Variants in RECQL5 observed in about 807,000 individuals in gnomAD.
RECQL5 encodes the protein ATP-dependent DNA helicase Q5.
Under a neutral mutation model 103.4 loss-of-function variants are expected in RECQL5, and 88 were observed. The ratio of observed to expected loss-of-function variants is 0.85; its 90% CI spans 0.72 to 1.02. The LOEUF (loss-of-function observed/expected upper bound fraction) is 1.02, where lower values mean the gene tolerates loss of function less well. Ranked by LOEUF, RECQL5 falls within the 50% of genes least tolerant of loss-of-function variation. The probability of loss-of-function intolerance (pLI) is 0.00; values close to 1 mark genes in which losing one functional copy is unlikely to be tolerated. For missense variants in RECQL5, 1,232 were observed against 1,284.3 expected (o/e 0.96, Z 0.62); for synonymous variants, 552 against 507.9 (o/e 1.09, Z -1.17).
rs199862529 is a variant in RECQL5 at position 75,661,727 on chromosome 17, G to A, written c.772-19C>T. ...CAGATAACTGAATGGGGAGATGCAG[G>A]AAGAAAATAAGCATAGCAAGAACAG... On this transcript the variant is annotated intron_variant, in intron 4 of 19. Coordinates refer to ENST00000317905, the MANE Select transcript of RECQL5 (RefSeq NM_004259.7). The A allele has an allele frequency of 3.2e-6, 5 of 1,584,400 alleles. No individual in the cohort carries two copies. In the Admixed American group the frequency reaches 5.0e-5, roughly 16 times the overall value.
chr17:75,640,880 C>T lies in RECQL5; in HGVS notation c.1230-9212G>A. The T allele has an allele frequency of 1.3e-6, 2 of 1,546,002 alleles. 1 individual carries two copies. Among genetic ancestry groups the T allele is most frequent in the South Asian group, 2.4e-5 (2 of 84,058 alleles). On this transcript the variant is annotated intron_variant, in intron 8 of 19. Transcript: ENST00000317905. This position sits in a 1 kb window ranked among gnomAD's most constrained non-coding sequence, Gnocchi z 4.6. ...GCGGAGAGGCAGGAAGGTCCAGGTG[C>T]AGCCGACACCACCATGACGGACGGG...
At chr17:75,647,277 G>A (rs1293476501) in intron 8 of RECQL5, 6 of 1,100,544 alleles carry the variant, frequency 5.5e-6, no homozygotes, top group Admixed American at 2.5e-5. Flanking sequence ...CACAGAGGCT[G>A]CTACAGAGGC....
Position 75,627,606 on chromosome 17 carries a change from G to A in RECQL5, c.2875+17C>T. Reference sequence around the variant, plus strand: ...CCCTCCCAAGTGCCTCCTGGCCCTGGCAATGCCAGCGCTCACCGCTCCTTC... The same window carrying A: ...CCCTCCCAAGTGCCTCCTGGCCCTGACAATGCCAGCGCTCACCGCTCCTTC... On this transcript the variant is annotated intron_variant, in intron 19 of 19. Transcript: ENST00000317905. The A allele has an allele frequency of 1.9e-6, 3 of 1,613,526 alleles. No individual in the cohort carries two copies. The highest frequency in any genetic ancestry group is 2.5e-6 in the Non-Finnish European group (3 of 1,179,728).
chr17:75,631,355 G>T, intron 9 of RECQL5, 95 bp downstream of exon 9: 1 of 1,525,474 alleles, frequency 6.6e-7, no homozygotes, highest in Non-Finnish European at 9.1e-7. Context: ...CTCAAGGGGG[G>T]ATTGCGGCAT....
chr17:75,661,856 T>A, intron 4 of RECQL5, 148 bp from the exon 5 acceptor site: 1 of 609,802 alleles, frequency 1.6e-6, no homozygotes, highest in Non-Finnish European at 2.9e-6. Flanking sequence ...TGAGGCTCTG[T>A]CACTTTATAA....
Position 75,631,516 on chromosome 17 carries a change from G to A in RECQL5, c.1382C>T (p.Ser461Phe). 2 of 1,613,308 alleles carry A rather than the reference G, an allele frequency of 1.2e-6. No individual in the cohort carries two copies. The highest frequency in any genetic ancestry group is 1.7e-6 in the Non-Finnish European group (2 of 1,179,996). Residue 461 changes from serine to phenylalanine, a missense_variant, in exon 9 of 20, where the codon TCC (serine) becomes TTC (phenylalanine). By Grantham distance (155) the Ser-to-Phe change is radical. Coordinates refer to ENST00000317905, the MANE Select transcript of RECQL5 (RefSeq NM_004259.7). The stretch of plus-strand genomic sequence containing the variant: ...CTCGGGGTCAAAGCCGTTCCCCTGG[G>A]AGGGCCCGATGCAGGTCTTGCTCCA... ...SSWSKTCIGP[S>F]QGNGFDPELY... is the part of the protein sequence containing the mutation.
chr17:75,631,894 A>G (rs546829134), intron 8 of RECQL5, among the ~76,000 whole-genome samples: 1 of 152,350 alleles, frequency 6.6e-6, no homozygotes, highest in African/African-American at 2.4e-5. Context: ...CACGTAACAC[A>G]TGGGGGTCTC....
In RECQL5 at chr17:75,656,858, C is replaced by CCCCAACCT. The variant is rs1157722936; in HGVS notation, c.1149+1432_1149+1439dup. Among the ~76,000 whole-genome samples the CCCCAACCT allele has an allele frequency of 4.0e-5, 6 of 151,760 alleles. No individual in the cohort carries two copies. The East Asian group carries it at 1.2e-3, about 29-fold the overall frequency. ...CTCCTGGGTTCACGCCCTTCTCCTG[C>CCCCAACCT]CCCAACCTCCCAAGTAGCTGGGACT... On this transcript the variant is annotated intron_variant, in intron 7 of 19. Coordinates refer to ENST00000317905, the MANE Select transcript of RECQL5 (RefSeq NM_004259.7).
At chr17:75,628,524 C>A in intron 17 of RECQL5, 82 bp from the exon 18 acceptor site, 1 of 1,537,898 alleles carries the variant, frequency 6.5e-7, no homozygotes, top group South Asian at 1.2e-5. Context: ...TGGGTCCCCG[C>A]ACCAGCTGCC....
rs1451093045 is a variant in RECQL5 at position 75,640,272 on chromosome 17, T to C, written c.1230-8604A>G. 6.4e-7 allele frequency: 1 copy of C among 1,551,502 alleles called. No homozygotes were observed. On this transcript the variant is annotated intron_variant, in intron 8 of 19. Transcript: ENST00000317905. The surrounding 1 kb of genome is among the most constrained non-coding windows in gnomAD (Gnocchi z 4.6). ...AGGCTGCTGCTCAAGCTGCAGAGAC[T>C]GCCCCAGGCTGAGCCCGTGGAGATC...
Position 75,629,209 on chromosome 17 carries a change from G to A in RECQL5, c.2214C>T (p.Gly738=), listed in dbSNP as rs1233868504. ...TAGCCCGGCCCTTGGCAAGGGAGCT[G>A]CCCCCAGAGGAACTTTTTGCCTTCT... ...PEKKAKSSSG[G]SSLAKGRASK... Residue 738 remains glycine, a synonymous_variant, in exon 16 of 20, where the codon GGC becomes GGT. Transcript: ENST00000317905. 1 of 1,613,296 alleles carries A rather than the reference G, an allele frequency of 6.2e-7. No individual in the cohort carries two copies. Among genetic ancestry groups the A allele is most frequent in the Non-Finnish European group, 8.5e-7 (1 of 1,179,906 alleles).
intron 3 of RECQL5, among the ~76,000 whole-genome samples, chr17:75,664,722 G>C (rs2059744309): frequency 2.0e-5 from 3 of 151,938 alleles, no homozygotes; most frequent in Non-Finnish European, 4.4e-5. Context: ...AGACCAGCCT[G>C]GCCAACATGG....
chr17:75,662,632 G>C lies in RECQL5; in HGVS notation c.618C>G (p.Ala206=), dbSNP rs777405598. Residue 206 remains alanine (A), a synonymous_variant, in exon 4 of 20, where the codon GCC becomes GCG. Transcript: ENST00000317905. ...TPQVQEDVFA[A]LHLKKPVAIF... is the part of the protein sequence containing the mutation. The stretch of plus-strand genomic sequence containing the variant: ...TGGCAACTGGTTTCTTCAGGTGCAG[G>C]GCAGCAAACACGTCCTCTTGGACCT... 2.5e-6 allele frequency: 4 copies of C among 1,614,192 alleles called. No homozygotes were observed. Among genetic ancestry groups the C allele is most frequent in the Non-Finnish European group, 3.4e-6 (4 of 1,180,048 alleles).
At chr17:75,630,002 G>A (rs987747326) in intron 14 of RECQL5, among the ~76,000 whole-genome samples, 160 bp from the exon 15 acceptor site, 1 of 139,246 alleles carries the variant, frequency 7.2e-6, no homozygotes, top group Admixed American at 7.4e-5. Context: ...ATCCTCACAG[G>A]GTTGGCTAGA....
chr17:75,640,701 A>T lies in RECQL5; in HGVS notation c.1230-9033T>A. ...CCTCCACCAAACCTGTGGGGGAAAG[A>T]CCCTGGCAGGCAGTGGGTTTCTCTG... On this transcript the variant is annotated intron_variant, in intron 8 of 19. Coordinates refer to ENST00000317905, the MANE Select transcript of RECQL5 (RefSeq NM_004259.7). The surrounding 1 kb of genome is among the most constrained non-coding windows in gnomAD (Gnocchi z 4.6). The T allele has an allele frequency of 6.6e-7, 1 of 1,504,140 alleles. No homozygotes were observed. Among genetic ancestry groups the T allele is most frequent in the Non-Finnish European group, 8.9e-7 (1 of 1,122,418 alleles). 93.2% of individuals were successfully genotyped at this position (1,504,140 alleles called of 1,614,324 possible).
rs1251550232 is a variant in RECQL5 at position 75,640,373 on chromosome 17, G to A, written c.1230-8705C>T. On this transcript the variant is annotated intron_variant, in intron 8 of 19. Coordinates refer to ENST00000317905, the MANE Select transcript of RECQL5 (RefSeq NM_004259.7). The surrounding 1 kb of genome is among the most constrained non-coding windows in gnomAD (Gnocchi z 4.6). ...ACCCCATGGCTCTCCCTGGCATCTG[G>A]GAGAGACCACACCATGGTGCCAGCC... is the stretch of plus-strand genomic sequence containing the variant. The A allele has an allele frequency of 2.0e-6, 3 of 1,496,384 alleles. No homozygotes were observed. Among genetic ancestry groups the A allele is most frequent in the Admixed American group, 2.3e-5 (1 of 43,332 alleles). The allele number at this position is 1,496,384 out of a possible 1,614,324, so 92.7% of individuals were successfully genotyped here. A position where few individuals can be genotyped will look rare whatever the true frequency, so the allele number is the denominator to read the frequency against.
Position 75,629,798 on chromosome 17 carries a change from G to T in RECQL5, c.1857C>A (p.Asp619Glu). 6.2e-7 allele frequency: 1 copy of T among 1,613,498 alleles called. No homozygotes were observed. Among genetic ancestry groups the T allele is most frequent in the East Asian group, 2.2e-5 (1 of 44,880 alleles). Residue 619 changes from aspartate (D) to glutamate (E), a missense_variant, in exon 15 of 20, where the codon GAC (aspartate) becomes GAA (glutamate). Physicochemically the swap from Asp to Glu is conservative, Grantham distance 45 (BLOSUM62 2). Transcript: ENST00000317905. ...HRASKDGQPY[D>E]MGGSAKSCSA... is the part of the protein sequence containing the mutation. ...TGCAGCTCTTGGCACTGCCTCCCAT[G>T]TCATAGGGCTGCCCATCCTTGGAGG...
rs1366258036 is a variant in RECQL5 at position 75,651,093 on chromosome 17, G to A, written c.1229+93C>T. 23 of 1,607,596 alleles carry A rather than the reference G, an allele frequency of 1.4e-5. 1 individual carries two copies. The highest frequency in any genetic ancestry group is 5.5e-5 in the South Asian group (5 of 90,472). On this transcript the variant is annotated intron_variant, in intron 8 of 19. Coordinates refer to ENST00000317905, the MANE Select transcript of RECQL5 (RefSeq NM_004259.7). ...AGGCAGGTGTCCCTTGGTAGCCTACGGGCTGTCTTATGTCAGCTGCTTAAC... is the reference window on the plus strand; with the variant it reads ...AGGCAGGTGTCCCTTGGTAGCCTACAGGCTGTCTTATGTCAGCTGCTTAAC...
chr17:75,640,070 C>T lies in RECQL5; in HGVS notation c.1230-8402G>A. ...ATGTGTGAGACCTGACAAACTTGTT[C>T]TGCGGGCTGCGGATGGGTGCGAGGG... On this transcript the variant is annotated intron_variant, in intron 8 of 19. Coordinates refer to ENST00000317905, the MANE Select transcript of RECQL5 (RefSeq NM_004259.7). The surrounding 1 kb of genome is among the most constrained non-coding windows in gnomAD (Gnocchi z 4.6). The T allele has an allele frequency of 7.6e-7, 1 of 1,307,312 alleles. No homozygotes were observed. The highest frequency in any genetic ancestry group is 1.5e-5 in the African/African-American group (1 of 67,048). 81.0% of individuals were successfully genotyped at this position (1,307,312 alleles called of 1,614,324 possible). A position where few individuals can be genotyped will look rare whatever the true frequency, so the allele number is the denominator to read the frequency against.
Sources: allele counts gnomAD v4.1 joint callset (sites outside exome capture counted in the v4.1 genomes callset), GRCh38; gene constraint gnomAD v4.1.1; non-coding constraint Gnocchi (gnomAD v3.1); transcripts MANE v1.5; gene names NCBI Gene and HGNC (gene_info 2026-07-23, HGNC 2026-07-21).